HTR3B: variants seen among roughly 807,000 people sequenced by gnomAD.
HTR3B encodes 5-hydroxytryptamine receptor 3B.
A neutral mutation model predicts 42.8 loss-of-function variants in HTR3B; 44 were observed. The observed-to-expected ratio is 1.03, with a 90% CI of 0.81 to 1.32. The LOEUF (loss-of-function observed/expected upper bound fraction) is 1.32, where lower values mean the gene tolerates loss of function less well. Ranked by LOEUF, HTR3B falls within the 40% of genes most tolerant of loss-of-function variation. HTR3B has a pLI of 0.00. For missense variants in HTR3B, 527 were observed against 536.5 expected (o/e 0.98, Z 0.17); for synonymous variants, 203 against 209.0 (o/e 0.97, Z 0.25).
rs574870054 is a variant in HTR3B at position 113,921,461 on chromosome 11, A to T, written c.214-9923A>T. Among the ~76,000 whole-genome samples the T allele has an allele frequency of 6.6e-3, 1,007 of 151,856 alleles. 12 individuals carry two copies. Among genetic ancestry groups the T allele is most frequent in the African/African-American group, 0.023 (970 of 41,380 alleles). ...ACCCGGCCCCTTCGTATTTATTAAG[A>T]TAAAGAAAATTGCTGGCCGGGCGTG... is the stretch of plus-strand genomic sequence containing the variant. On this transcript the variant is annotated intron_variant, in intron 2 of 8. Coordinates refer to ENST00000260191, the MANE Select transcript of HTR3B (RefSeq NM_006028.5).
At chr11:113,928,359 C>A (rs1295665137) in intron 2 of HTR3B, among the ~76,000 whole-genome samples, 1 of 152,132 alleles carries the variant, frequency 6.6e-6, no homozygotes, top group African/African-American at 2.4e-5. Flanking sequence ...ACCCATTCAA[C>A]GATAACTTTC....
rs978694279 is a variant in HTR3B at position 113,947,089 on chromosome 11, G to C, written c.*952G>C. On this transcript the variant is annotated 3_prime_UTR_variant, in exon 9 of 9. Transcript: ENST00000260191. ...TTCAGCAGTGCATCCCCACTGGAGA[G>C]AACCCAGGTGCCAAGGCTTCTTTTT... Among the ~76,000 whole-genome samples the C allele has an allele frequency of 2.0e-5, 3 of 151,190 alleles. No homozygotes were observed. The highest frequency in any genetic ancestry group is 2.9e-5 in the Non-Finnish European group (2 of 67,908).
intron 8 of HTR3B, among the ~76,000 whole-genome samples, chr11:113,945,545 C>T (rs942096308): frequency 6.6e-6 from 1 of 152,194 alleles, no homozygotes; most frequent in Non-Finnish European, 1.5e-5. Flanking sequence ...ATACAAGGAG[C>T]TTGTGTACAT....
At chr11:113,932,858 G>A (rs1456389144) in intron 5 of HTR3B, 78 bp from the exon 6 acceptor site, 8 of 1,468,226 alleles carry the variant, frequency 5.4e-6, no homozygotes, top group East Asian at 2.3e-5. Context: ...GGAAGGATTC[G>A]AATTGGGAGC....
chr11:113,899,706 C>CTGT, the HTR3B span, among the ~76,000 whole-genome samples: 1 of 152,200 alleles, frequency 6.6e-6, no homozygotes, highest in Non-Finnish European at 1.5e-5. Flanking sequence ...ATAATAAACA[C>CTGT]TTCCTTATTA....
intron 2 of HTR3B, among the ~76,000 whole-genome samples, chr11:113,917,194 G>A (rs531093849): frequency 5.3e-5 from 8 of 150,204 alleles, no homozygotes; most frequent in Non-Finnish European, 1.0e-4. Flanking sequence ...GTGCAGTGGC[G>A]CAATCTCAGC....
intron 6 of HTR3B, among the ~76,000 whole-genome samples, chr11:113,938,250 G>A (rs980524446): frequency 6.6e-6 from 1 of 152,096 alleles, no homozygotes; most frequent in Admixed American, 6.6e-5. Context: ...AGTAGAGTCT[G>A]CAACCCAAAA....
At position 113,947,774 on chromosome 11, in the gene HTR3B, G is replaced by A. The variant is rs1197671960; in HGVS notation, c.*1637G>A. 1.3e-5 allele frequency among the ~76,000 whole-genome samples: 2 copies of A among 152,112 alleles called. No homozygotes were observed. Among genetic ancestry groups the A allele is most frequent in the Non-Finnish European group, 1.5e-5 (1 of 68,006 alleles). On this transcript the variant is annotated 3_prime_UTR_variant, in exon 9 of 9. Coordinates refer to ENST00000260191, the MANE Select transcript of HTR3B (RefSeq NM_006028.5). The stretch of plus-strand genomic sequence containing the variant: ...AGGATGTCAACATATGAATTTTGGG[G>A]AGTGGGCAGCAGACAAAGGGGACAT...
In HTR3B at chr11:113,933,182, T is replaced by A. The variant is rs182954273; in HGVS notation, c.696+89T>A. On this transcript the variant is annotated intron_variant, in intron 6 of 8. Transcript: ENST00000260191. ...GCCAAGGAATTTCTGCTCTATTGCA[T>A]GTTCTCATTCATTATCACCCAAGAA... is the stretch of plus-strand genomic sequence containing the variant. 5 of 1,293,364 alleles carry A rather than the reference T, an allele frequency of 3.9e-6. No homozygotes were observed. In the East Asian group the frequency reaches 9.5e-5, roughly 24 times the overall value. The allele number at this position is 1,293,364 out of a possible 1,614,324, so 80.1% of individuals were successfully genotyped here.
chr11:113,914,406 G>GTGAGCCGAGATCACGCCAT (rs1949831467), intron 2 of HTR3B, among the ~76,000 whole-genome samples: 1 of 151,332 alleles, frequency 6.6e-6, no homozygotes, highest in South Asian at 2.1e-4. Context: ...GGAGGTTGCA[G>GTGAGCCGAGATCACGCCAT]TGAGCCGAGA....
chr11:113,901,057 T>C (rs1431862661), upstream of HTR3B, among the ~76,000 whole-genome samples: 1 of 151,908 alleles, frequency 6.6e-6, no homozygotes, highest in African/African-American at 2.4e-5. Context: ...ACCATATTAG[T>C]GGATGAAAAA....
the HTR3B span, among the ~76,000 whole-genome samples, chr11:113,899,404 G>A: frequency 1.3e-5 from 2 of 152,138 alleles, no homozygotes; most frequent in Non-Finnish European, 1.5e-5. Flanking sequence ...GAGTTTGGCT[G>A]GAATGTCCAT....
intron 5 of HTR3B, 51 bp from the exon 6 acceptor site, chr11:113,932,885 T>C: frequency 1.9e-6 from 3 of 1,579,752 alleles, no homozygotes; most frequent in Non-Finnish European, 2.6e-6. Context: ...AGTGGGTGGA[T>C]GTTGGCATCT....
At chr11:113,900,904 A>G (rs1591565809), upstream of HTR3B, among the ~76,000 whole-genome samples, 1 of 152,118 alleles carries the variant, frequency 6.6e-6, no homozygotes. Context: ...CTTTTAAACT[A>G]TCAGGTCTCA....
chr11:113,935,774 T>A (rs1333652974), intron 6 of HTR3B, among the ~76,000 whole-genome samples: 1 of 152,124 alleles, frequency 6.6e-6, no homozygotes, highest in African/African-American at 2.4e-5. Context: ...CCTCTTAATC[T>A]ACTCGCCGGC....
At position 113,949,043 on chromosome 11, in the gene HTR3B, A is replaced by G. The variant is rs1488630538; in HGVS notation, c.*2906A>G. ...TAATTTAAAAAAAAGTAAATAATGC[A>G]TCACAAAATAAAGATAAGACCTGCT... On this transcript the variant is annotated 3_prime_UTR_variant, in exon 9 of 9. Coordinates refer to ENST00000260191, the MANE Select transcript of HTR3B (RefSeq NM_006028.5). 6.6e-6 allele frequency among the ~76,000 whole-genome samples: 1 copy of G among 152,214 alleles called. No individual in the cohort carries two copies. The highest frequency in any genetic ancestry group is 2.4e-5 in the African/African-American group (1 of 41,452).
At chr11:113,910,234 A>C (rs907695106) in intron 2 of HTR3B, among the ~76,000 whole-genome samples, 2 of 151,876 alleles carry the variant, frequency 1.3e-5, no homozygotes, top group African/African-American at 4.8e-5. Flanking sequence ...TGGTGGGGAG[A>C]ATTTGTTTAT....
intron 6 of HTR3B, among the ~76,000 whole-genome samples, chr11:113,936,879 C>T (rs772710059): frequency 6.6e-6 from 1 of 152,154 alleles, no homozygotes; most frequent in East Asian, 1.9e-4. Flanking sequence ...TACAGGCTAA[C>T]CTTGGGGCCT....
intron 2 of HTR3B, among the ~76,000 whole-genome samples, chr11:113,919,072 G>A (rs564759418): frequency 1.1e-4 from 16 of 151,576 alleles, no homozygotes; most frequent in East Asian, 1.9e-4. Flanking sequence ...TTTATTTTCC[G>A]GAATTTTTAA....
Sources: allele counts gnomAD v4.1 joint callset (sites outside exome capture counted in the v4.1 genomes callset), GRCh38; gene constraint gnomAD v4.1.1; transcripts MANE v1.5; gene names NCBI Gene and HGNC (gene_info 2026-07-23, HGNC 2026-07-21).